Variants in AUTS2 observed in about 807,000 individuals in gnomAD.
AUTS2 encodes the protein autism susceptibility gene 2 protein.
In AUTS2, 17 loss-of-function variants were observed where a neutral mutation model predicts 112.4. The ratio of observed to expected loss-of-function variants is 0.15; its 90% CI spans 0.10 to 0.23. The LOEUF (loss-of-function observed/expected upper bound fraction) is 0.23, where lower values mean the gene tolerates loss of function less well. Among genes scored for constraint, AUTS2 ranks in the 10% least tolerant of loss-of-function variants. The pLI is 1.00. For missense variants in AUTS2, 1,510 were observed against 1,701.6 expected, an observed-to-expected ratio of 0.89 and a Z score of 1.98; for synonymous variants, 751 against 702.7, an observed-to-expected ratio of 1.07 and a Z score of -1.09.
chr7:69,609,616 A>C (rs999160063), intron 1 of AUTS2, among the ~76,000 whole-genome samples: 3 of 152,220 alleles, frequency 2.0e-5, no homozygotes, highest in Non-Finnish European at 4.4e-5. Flanking sequence ...TATTTTCTTT[A>C]GCCTAGCAAT....
intron 4 of AUTS2, among the ~76,000 whole-genome samples, chr7:70,379,238 G>A (rs1793256610): frequency 6.6e-6 from 1 of 152,096 alleles, no homozygotes; most frequent in Non-Finnish European, 1.5e-5. Flanking sequence ...GGTGGCTCAC[G>A]TCTGTAATCC....
intron 2 of AUTS2, among the ~76,000 whole-genome samples, chr7:69,976,817 T>C (rs1414775082): frequency 1.3e-5 from 2 of 152,202 alleles, no homozygotes; most frequent in Non-Finnish European, 1.5e-5. Context: ...GTTGCAGAAG[T>C]TCTTTACATA....
chr7:70,265,337 A>G (rs913007949), intron 4 of AUTS2, among the ~76,000 whole-genome samples: 1 of 152,128 alleles, frequency 6.6e-6, no homozygotes, highest in Non-Finnish European at 1.5e-5. Flanking sequence ...GTTGCTGGCT[A>G]GTTTCTTGTG....
chr7:70,215,501 T>G (rs1811122010), intron 4 of AUTS2, among the ~76,000 whole-genome samples: 1 of 152,174 alleles, frequency 6.6e-6, no homozygotes. Context: ...TTGTTTGTAT[T>G]TATATTTGGA....
chr7:70,264,674 A>T (rs997272495), intron 4 of AUTS2, among the ~76,000 whole-genome samples: 1 of 152,310 alleles, frequency 6.6e-6, no homozygotes, highest in South Asian at 2.1e-4. Flanking sequence ...GAGGGTCTGT[A>T]GTTGGAGTAC....
chr7:70,251,050 T>A (rs1376808311), intron 4 of AUTS2, among the ~76,000 whole-genome samples: 1 of 152,006 alleles, frequency 6.6e-6, no homozygotes, highest in African/African-American at 2.4e-5. Flanking sequence ...TGAATAAATT[T>A]CCAGTTATAA....
intron 1 of AUTS2, among the ~76,000 whole-genome samples, chr7:69,752,093 A>G (rs536098329): frequency 3.9e-5 from 6 of 152,302 alleles, no homozygotes; most frequent in Admixed American, 3.3e-4. Flanking sequence ...TAATGCCCAG[A>G]CAGTGCCCCT....
Position 70,607,644 on chromosome 7 carries a change from C to T in AUTS2, c.691-90925C>T, listed in dbSNP as rs375587368. On this transcript the variant is annotated intron_variant, in intron 5 of 18. Coordinates refer to ENST00000342771, the MANE Select transcript of AUTS2 (RefSeq NM_015570.4). Reference sequence around the variant, plus strand: ...TCCTTCAGGCGACGCTGCAGTTCAGCGTGCAAGATACTGCCACACAGTTGA... The same window carrying T: ...TCCTTCAGGCGACGCTGCAGTTCAGTGTGCAAGATACTGCCACACAGTTGA... Among the ~76,000 whole-genome samples, 20 of 152,154 alleles carry T rather than the reference C, an allele frequency of 1.3e-4. No homozygotes were observed. The East Asian group carries it at 2.3e-3, about 18-fold the overall frequency.
chr7:70,696,684 C>CAA (rs1420647007), intron 5 of AUTS2, among the ~76,000 whole-genome samples: 1 of 152,042 alleles, frequency 6.6e-6, no homozygotes, highest in Non-Finnish European at 1.5e-5. Context: ...AACACACACA[C>CAA]ACACACACAC....
intron 5 of AUTS2, among the ~76,000 whole-genome samples, chr7:70,444,848 G>GT (rs1269085117): frequency 1.3e-5 from 2 of 152,258 alleles, no homozygotes; most frequent in Non-Finnish European, 2.9e-5. Flanking sequence ...GTGGTGGGTG[G>GT]TTGTAGTACT....
chr7:69,798,186 T>C (rs529210918), intron 1 of AUTS2, among the ~76,000 whole-genome samples: 159 of 152,302 alleles, frequency 1.0e-3, no homozygotes, highest in African/African-American at 3.8e-3. Context: ...ATTACCTCAC[T>C]CATGGTTCCT....
intron 6 of AUTS2, among the ~76,000 whole-genome samples, chr7:70,762,223 TA>T (rs1348195741): frequency 6.6e-6 from 1 of 152,228 alleles, no homozygotes; most frequent in Non-Finnish European, 1.5e-5. Context: ...ACTTGTCAAC[TA>T]TTGTTTCTTA....
intron 1 of AUTS2, among the ~76,000 whole-genome samples, chr7:69,661,475 A>G (rs1388302344): frequency 6.6e-6 from 1 of 152,146 alleles, no homozygotes. Context: ...TGCAGGCACT[A>G]TTTAGCACTG....
intron 4 of AUTS2, among the ~76,000 whole-genome samples, chr7:70,175,544 T>A (rs2129579731): frequency 6.6e-6 from 1 of 152,066 alleles, no homozygotes; most frequent in Non-Finnish European, 1.5e-5. Flanking sequence ...AAAGGAAGAG[T>A]CAGTTGATGG....
intron 4 of AUTS2, among the ~76,000 whole-genome samples, chr7:70,416,358 A>C (rs1794986465): frequency 6.6e-6 from 1 of 152,190 alleles, no homozygotes; most frequent in Admixed American, 6.5e-5. Flanking sequence ...CCCCCAGGAA[A>C]CAGGAAGTCC....
At chr7:70,345,955 A>G (rs980453646) in intron 4 of AUTS2, among the ~76,000 whole-genome samples, 3 of 152,224 alleles carry the variant, frequency 2.0e-5, no homozygotes, top group African/African-American at 4.8e-5. Context: ...TTTATAATCT[A>G]TGTCAGAAGT....
At chr7:69,788,925 G>A (rs1016442713) in intron 1 of AUTS2, among the ~76,000 whole-genome samples, 4 of 152,136 alleles carry the variant, frequency 2.6e-5, no homozygotes, top group African/African-American at 4.8e-5. Context: ...TAAGGGAAAC[G>A]ATAGGACACT....
At chr7:70,760,045 G>A (rs953228379) in intron 6 of AUTS2, among the ~76,000 whole-genome samples, 7 of 150,146 alleles carry the variant, frequency 4.7e-5, no homozygotes, top group South Asian at 2.1e-4. Context: ...TCACACTGTC[G>A]CCTAGGCTGG....
intron 5 of AUTS2, among the ~76,000 whole-genome samples, chr7:70,697,070 C>T (rs1374562929): frequency 6.6e-6 from 1 of 152,094 alleles, no homozygotes; most frequent in African/African-American, 2.4e-5. Flanking sequence ...CATCATCATG[C>T]AATTTTTGGC....
Sources: gnomAD v4.1 joint callset for allele counts (sites outside exome capture counted in the v4.1 genomes callset) on GRCh38, gnomAD v4.1.1 for gene constraint, MANE v1.5 for transcripts, NCBI Gene and HGNC (gene_info 2026-07-23, HGNC 2026-07-21) for gene names.